The following CSMD1 variants were observed in gnomAD, a reference collection of about 807,000 sequenced individuals.
CSMD1 encodes CUB and Sushi multiple domains 1, also known as CUB and sushi domain-containing protein 1.
Under a neutral mutation model 417.5 loss-of-function variants are expected in CSMD1, and 213 were observed. The observed-to-expected ratio is 0.51, with a 90% CI of 0.46 to 0.57. The LOEUF (loss-of-function observed/expected upper bound fraction) is 0.57, where lower values mean the gene tolerates loss of function less well. Among genes scored for constraint, CSMD1 ranks in the 20% least tolerant of loss-of-function variants. The probability of loss-of-function intolerance (pLI) is 0.00; values close to 1 mark genes in which losing one functional copy is unlikely to be tolerated. For synonymous variants in CSMD1, 2,862 were observed against 1,736.8 expected (o/e 1.65, Z -16.11); for missense variants, 6,923 against 4,529.7 (o/e 1.53, Z -15.17).
chr8:4,886,070 A>G (rs1420035833), intron 1 of CSMD1, among the ~76,000 whole-genome samples: 8 of 152,118 alleles, frequency 5.3e-5, no homozygotes, highest in Non-Finnish European at 1.2e-4. Context: ...GGATCACTGC[A>G]ACCTCCGTCT....
intron 3 of CSMD1, among the ~76,000 whole-genome samples, chr8:4,175,583 G>A (rs1426843169): frequency 6.6e-6 from 1 of 152,064 alleles, no homozygotes; most frequent in Non-Finnish European, 1.5e-5. Context: ...AGGTATATTA[G>A]GAGAGTAAAT....
At chr8:3,863,395 C>CAA (rs35446566) in intron 5 of CSMD1, among the ~76,000 whole-genome samples, 12,487 of 90,016 alleles carry the variant, frequency 0.14, 678 homozygotes, top group South Asian at 0.17. Flanking sequence ...ATACTCTGCT[C>CAA]AAAAAAAAAA....
chr8:3,538,348 C>A (rs192471947), intron 10 of CSMD1, among the ~76,000 whole-genome samples: 1 of 152,100 alleles, frequency 6.6e-6, no homozygotes, highest in Non-Finnish European at 1.5e-5. Flanking sequence ...AACTGACATG[C>A]TTCACCTGGG....
At chr8:4,114,880 A>G (rs1226146971) in intron 3 of CSMD1, among the ~76,000 whole-genome samples, 2 of 152,206 alleles carry the variant, frequency 1.3e-5, no homozygotes, top group Non-Finnish European at 2.9e-5. Context: ...AACTTAACAG[A>G]TGAGGAATTG....
At chr8:4,299,233 A>C (rs370555484) in intron 3 of CSMD1, among the ~76,000 whole-genome samples, 10 of 152,348 alleles carry the variant, frequency 6.6e-5, no homozygotes, top group South Asian at 2.1e-4. Flanking sequence ...TCAGAATAAA[A>C]TAAGACACTG....
intron 3 of CSMD1, among the ~76,000 whole-genome samples, chr8:4,149,936 C>T (rs891370089): frequency 2.6e-5 from 4 of 152,140 alleles, no homozygotes; most frequent in African/African-American, 4.8e-5. Context: ...AAATTGTGAA[C>T]AACAGGAAAT....
At chr8:4,828,646 G>A (rs1032511013) in intron 1 of CSMD1, among the ~76,000 whole-genome samples, 3 of 152,012 alleles carry the variant, frequency 2.0e-5, no homozygotes, top group African/African-American at 2.4e-5. Flanking sequence ...AACGTTACTC[G>A]GCATGGGGTT....
At chr8:4,028,897 G>C (rs536984956) in intron 4 of CSMD1, among the ~76,000 whole-genome samples, 1 of 152,286 alleles carries the variant, frequency 6.6e-6, no homozygotes, top group African/African-American at 2.4e-5. Flanking sequence ...CCTAAGAGTT[G>C]AAGTATGCTC....
chr8:4,657,693 GA>G (rs1013835685), intron 1 of CSMD1, among the ~76,000 whole-genome samples: 2 of 139,182 alleles, frequency 1.4e-5, no homozygotes, highest in African/African-American at 5.3e-5. Flanking sequence ...TTAACAAAAA[GA>G]AAATATGACC....
intron 2 of CSMD1, among the ~76,000 whole-genome samples, chr8:4,420,405 T>C (rs562080763): frequency 6.6e-6 from 1 of 152,044 alleles, no homozygotes; most frequent in Non-Finnish European, 1.5e-5. Context: ...ATAGGGTACA[T>C]GTGCAATATG....
intron 3 of CSMD1, among the ~76,000 whole-genome samples, chr8:4,133,488 G>T (rs773546326): frequency 6.6e-6 from 1 of 152,114 alleles, no homozygotes; most frequent in Non-Finnish European, 1.5e-5. Context: ...TAGTATAGAA[G>T]AAAAGCCTGC....
intron 5 of CSMD1, among the ~76,000 whole-genome samples, chr8:3,926,082 TACACAC>T (rs58966907): frequency 0.06 from 6,194 of 103,464 alleles, 301 homozygotes; most frequent in South Asian, 0.1. Context: ...ACAAACACCA[TACACAC>T]ACACACACAC....
At chr8:4,184,640 G>C (rs1292378871) in intron 3 of CSMD1, among the ~76,000 whole-genome samples, 4 of 152,056 alleles carry the variant, frequency 2.6e-5, no homozygotes, top group South Asian at 2.1e-4. Flanking sequence ...TCATTTATAA[G>C]TTGGAGCTAA....
chr8:4,637,990 T>C (rs1479909796), intron 1 of CSMD1, among the ~76,000 whole-genome samples: 1 of 152,174 alleles, frequency 6.6e-6, no homozygotes, highest in Admixed American at 6.5e-5. Flanking sequence ...TTACAACATT[T>C]TATAATTCTT....
At position 4,568,295 on chromosome 8, in the gene CSMD1, G is replaced by A. The variant is rs529503907; in HGVS notation, c.302+69047C>T. The stretch of plus-strand genomic sequence containing the variant: ...TATCCCTCCCCTTACCCCACCACCC[G>A]AAAGGCCCGTCTATGATGTGTCCCT... On this transcript the variant is annotated intron_variant, in intron 2 of 69. Transcript: ENST00000635120. Among the ~76,000 whole-genome samples, 7 of 152,000 alleles carry A rather than the reference G, an allele frequency of 4.6e-5. No homozygotes were observed. The East Asian group carries it at 5.8e-4, about 13-fold the overall frequency.
intron 3 of CSMD1, among the ~76,000 whole-genome samples, chr8:4,063,988 T>TG (rs1347036350): frequency 6.6e-6 from 1 of 151,826 alleles, no homozygotes; most frequent in East Asian, 1.9e-4. Context: ...GTTGGGAAAA[T>TG]GGGGAAATGA....
intron 1 of CSMD1, among the ~76,000 whole-genome samples, chr8:4,926,206 G>C (rs549953897): frequency 6.6e-6 from 1 of 152,188 alleles, no homozygotes; most frequent in Non-Finnish European, 1.5e-5. Flanking sequence ...GCAGGGTAAA[G>C]AAAGAGGCTG....
chr8:4,780,057 G>A (rs182449318), intron 1 of CSMD1, among the ~76,000 whole-genome samples: 5 of 152,000 alleles, frequency 3.3e-5, no homozygotes, highest in African/African-American at 9.7e-5. Flanking sequence ...GACCCTCATG[G>A]GGCACGTACT....
At chr8:3,915,101 A>G (rs1392279895) in intron 5 of CSMD1, among the ~76,000 whole-genome samples, 1 of 152,106 alleles carries the variant, frequency 6.6e-6, no homozygotes, top group African/African-American at 2.4e-5. Flanking sequence ...CCTAATAATG[A>G]AGAGTCAAGA....
Sources: gnomAD v4.1 joint callset for allele counts (sites outside exome capture counted in the v4.1 genomes callset) on GRCh38, gnomAD v4.1.1 for gene constraint, MANE v1.5 for transcripts, NCBI Gene and HGNC (gene_info 2026-07-23, HGNC 2026-07-21) for gene names.